Variants in CDH18 observed in about 807,000 individuals in gnomAD.
CDH18 encodes the protein cadherin 18.
Under a neutral mutation model 67.9 loss-of-function variants are expected in CDH18, and 31 were observed. The observed-to-expected ratio is 0.46, with a 90% CI of 0.34 to 0.62. The LOEUF is 0.62. Ranked by LOEUF, CDH18 falls within the 20% of genes least tolerant of loss-of-function variation. The pLI is 0.01. For missense variants in CDH18, 890 were observed against 975.5 expected, an observed-to-expected ratio of 0.91 and a Z score of 1.17; for synonymous variants, 362 against 347.2, an observed-to-expected ratio of 1.04 and a Z score of -0.48.
chr5:20,242,113 T>G (rs1742973334), intron 2 of CDH18, among the ~76,000 whole-genome samples: 1 of 151,590 alleles, frequency 6.6e-6, no homozygotes, highest in South Asian at 2.1e-4. Flanking sequence ...AGATGTAAAA[T>G]ATAACTTTAC....
At chr5:20,333,443 G>A (rs1373372327) in intron 1 of CDH18, among the ~76,000 whole-genome samples, 14 of 149,380 alleles carry the variant, frequency 9.4e-5, no homozygotes, top group Admixed American at 4.0e-4. Context: ...AGAGGCGGAG[G>A]TTGCAGTGAG....
chr5:20,443,137 G>C (rs1035390423), intron 1 of CDH18, among the ~76,000 whole-genome samples: 1 of 144,118 alleles, frequency 6.9e-6, no homozygotes, highest in Non-Finnish European at 1.5e-5. Flanking sequence ...GTGAACCCGG[G>C]AGGCGGAGCT....
At chr5:19,712,725 T>C (rs1266120386) in intron 5 of CDH18, among the ~76,000 whole-genome samples, 1 of 150,738 alleles carries the variant, frequency 6.6e-6, no homozygotes, top group African/African-American at 2.4e-5. Flanking sequence ...AGGAAAATTA[T>C]ATATGTGTAT....
intron 2 of CDH18, among the ~76,000 whole-genome samples, chr5:20,080,502 G>GAT (rs1362015150): frequency 6.6e-6 from 1 of 152,150 alleles, no homozygotes; most frequent in Non-Finnish European, 1.5e-5. Context: ...TCACAAGAGT[G>GAT]TAGTGATCCC....
chr5:20,103,941 T>C (rs1746699749), intron 2 of CDH18, among the ~76,000 whole-genome samples: 1 of 151,548 alleles, frequency 6.6e-6, no homozygotes, highest in African/African-American at 2.4e-5. Flanking sequence ...TTGCCTACAG[T>C]ATTCAATACA....
At chr5:20,357,395 C>A (rs1487787399) in intron 1 of CDH18, among the ~76,000 whole-genome samples, 1 of 152,114 alleles carries the variant, frequency 6.6e-6, no homozygotes, top group Non-Finnish European at 1.5e-5. Flanking sequence ...AAGCCAAATG[C>A]TCTGATAGAA....
rs1370777206 is a variant in CDH18, at chr5:20,286,054, T to G, written c.-579-30549A>C. ...GGAAAAGCTCAACAAGTGTGAAAAA[T>G]ATTTGCTTTGGATAAAAGTTTATGC... On this transcript the variant is annotated intron_variant, in intron 1 of 14. Transcript: ENST00000507958. Among the ~76,000 whole-genome samples the G allele has an allele frequency of 2.6e-5, 4 of 151,628 alleles. No homozygotes were observed. The East Asian group carries it at 7.7e-4, about 29-fold the overall frequency.
At chr5:20,289,448 C>T (rs1278025559) in intron 1 of CDH18, among the ~76,000 whole-genome samples, 1 of 151,862 alleles carries the variant, frequency 6.6e-6, no homozygotes, top group Admixed American at 6.6e-5. Context: ...TGACTTGTGG[C>T]CACTTTAACT....
intron 1 of CDH18, among the ~76,000 whole-genome samples, chr5:20,382,663 A>G (rs922975745): frequency 1.3e-5 from 2 of 152,168 alleles, no homozygotes; most frequent in Admixed American, 6.5e-5. Flanking sequence ...GGGTGCAATT[A>G]GGAACACCTA....
intron 1 of CDH18, among the ~76,000 whole-genome samples, chr5:20,280,821 C>T (rs1174196102): frequency 2.0e-5 from 3 of 152,172 alleles, no homozygotes; most frequent in Non-Finnish European, 2.9e-5. Context: ...TACAGTCCCA[C>T]CAACAGTGTA....
chr5:19,955,471 C>T (rs1796173726), intron 2 of CDH18, among the ~76,000 whole-genome samples: 2 of 152,092 alleles, frequency 1.3e-5, no homozygotes, highest in East Asian at 1.9e-4. Context: ...AAATTTTATT[C>T]CCTTCCCTGT....
At chr5:20,131,809 G>T (rs1344784736) in intron 2 of CDH18, among the ~76,000 whole-genome samples, 4 of 151,874 alleles carry the variant, frequency 2.6e-5, no homozygotes, top group African/African-American at 7.3e-5. Context: ...TCAAAACTTG[G>T]GTCTATTACT....
intron 1 of CDH18, among the ~76,000 whole-genome samples, chr5:20,357,017 G>A (rs1210395224): frequency 6.6e-6 from 1 of 151,340 alleles, no homozygotes; most frequent in East Asian, 1.9e-4. Flanking sequence ...AGTAATAACT[G>A]TAAGTCAGTC....
At chr5:19,506,362 C>T (rs1420047802) in intron 10 of CDH18, among the ~76,000 whole-genome samples, 5 of 152,052 alleles carry the variant, frequency 3.3e-5, no homozygotes, top group African/African-American at 1.2e-4. Flanking sequence ...CAATGCCATC[C>T]CCATCAAGCT....
chr5:19,734,597 C>T (rs561761004), intron 4 of CDH18, among the ~76,000 whole-genome samples: 5 of 152,210 alleles, frequency 3.3e-5, no homozygotes, highest in African/African-American at 9.6e-5. Flanking sequence ...TTGAAAGCTT[C>T]AATTTAATAA....
intron 4 of CDH18, among the ~76,000 whole-genome samples, chr5:19,728,129 GA>G (rs1767103312): frequency 6.6e-6 from 1 of 151,970 alleles, no homozygotes; most frequent in African/African-American, 2.4e-5. Context: ...ATTAAAATAG[GA>G]ATCTAATTTT....
At chr5:20,123,191 A>G (rs892387364) in intron 2 of CDH18, among the ~76,000 whole-genome samples, 2 of 152,136 alleles carry the variant, frequency 1.3e-5, no homozygotes, top group African/African-American at 4.8e-5. Context: ...TATAAGGAAC[A>G]TACGTGATCT....
At chr5:20,429,693 G>T (rs1748588510) in intron 1 of CDH18, among the ~76,000 whole-genome samples, 1 of 152,150 alleles carries the variant, frequency 6.6e-6, no homozygotes. Context: ...AGTAAGAACT[G>T]CAGTTTGCAT....
chr5:20,022,562 T>G (rs1252743139), intron 2 of CDH18, among the ~76,000 whole-genome samples: 1 of 152,212 alleles, frequency 6.6e-6, no homozygotes, highest in African/African-American at 2.4e-5. Context: ...CCAACATTTT[T>G]AATATAATGG....
Sources: allele counts gnomAD v4.1 joint callset (sites outside exome capture counted in the v4.1 genomes callset), GRCh38; gene constraint gnomAD v4.1.1; transcripts MANE v1.5; gene names NCBI Gene and HGNC (gene_info 2026-07-23, HGNC 2026-07-21).